Variants in LRP1B observed in about 807,000 individuals in gnomAD.
LRP1B encodes LDL receptor related protein 1B.
LRP1B carries 217 observed loss-of-function variants against 556.6 expected under a neutral mutation model. The ratio of observed to expected loss-of-function variants is 0.39; its 90% CI spans 0.35 to 0.44. LRP1B has a LOEUF of 0.44. Ranked by LOEUF, LRP1B falls within the 20% of genes least tolerant of loss-of-function variation. LRP1B has a pLI of 1.00. For synonymous variants in LRP1B, 2,047 were observed against 1,865.8 expected (o/e 1.10, Z -2.50); for missense variants, 5,053 against 5,620.8 (o/e 0.90, Z 3.23).
chr2:140,700,238 T>C lies in LRP1B; in HGVS notation c.6799+12A>G. 1 of 1,600,670 alleles carries C rather than the reference T, an allele frequency of 6.2e-7. No individual in the cohort carries two copies. Among genetic ancestry groups the C allele is most frequent in the African/African-American group, 1.3e-5 (1 of 74,524 alleles). On this transcript the variant is annotated intron_variant, in intron 41 of 90. Transcript: ENST00000389484. ...CATTTCCACCTATTTAAAATTGAAT[T>C]ACTGTACTTACTTTCAACAATTACT...
intron 18 of LRP1B, among the ~76,000 whole-genome samples, chr2:140,958,064 G>T (rs1490994265): frequency 6.6e-6 from 1 of 151,564 alleles, no homozygotes; most frequent in Non-Finnish European, 1.5e-5. Context: ...GTGACAGGGT[G>T]CTCAGGAAAG....
chr2:141,738,837 T>G (rs1216570786), intron 2 of LRP1B, among the ~76,000 whole-genome samples: 1 of 152,140 alleles, frequency 6.6e-6, no homozygotes, highest in Non-Finnish European at 1.5e-5. Flanking sequence ...AAATTGCATG[T>G]GATTAGGAAA....
intron 7 of LRP1B, among the ~76,000 whole-genome samples, chr2:141,144,369 CTT>C (rs1474277466): frequency 6.6e-6 from 1 of 152,098 alleles, no homozygotes; most frequent in Non-Finnish European, 1.5e-5. Flanking sequence ...AAATATAACT[CTT>C]AGATGTGAAA....
intron 43 of LRP1B, among the ~76,000 whole-genome samples, chr2:140,572,837 T>TAAAAC (rs1553488953): frequency 2.0e-5 from 3 of 151,252 alleles, no homozygotes; most frequent in African/African-American, 7.3e-5. Flanking sequence ...TAAAATAAAA[T>TAAAAC]AAAACACTAT....
intron 2 of LRP1B, among the ~76,000 whole-genome samples, chr2:141,733,315 CT>C (rs1229599898): frequency 6.6e-6 from 1 of 152,010 alleles, no homozygotes; most frequent in East Asian, 1.9e-4. Flanking sequence ...ATTGGTCTTC[CT>C]GTAAGTGTGT....
chr2:141,400,472 G>T (rs1690409895), intron 3 of LRP1B, among the ~76,000 whole-genome samples: 1 of 152,176 alleles, frequency 6.6e-6, no homozygotes, highest in Admixed American at 6.5e-5. Context: ...AAACTGCTGT[G>T]CTGTCCAAGG....
intron 3 of LRP1B, among the ~76,000 whole-genome samples, chr2:141,465,352 A>T (rs75486904): frequency 0.019 from 2,907 of 152,204 alleles, 56 homozygotes; most frequent in East Asian, 0.091. Flanking sequence ...AAAAATGGAA[A>T]AAAAAATAAG....
intron 21 of LRP1B, among the ~76,000 whole-genome samples, chr2:140,909,773 A>T (rs188927172): frequency 2.0e-5 from 3 of 151,176 alleles, no homozygotes; most frequent in African/African-American, 7.2e-5. Context: ...AATTCAAAAA[A>T]TAGGTAGCTA....
intron 41 of LRP1B, among the ~76,000 whole-genome samples, chr2:140,696,203 T>C (rs1686424115): frequency 6.6e-6 from 1 of 152,198 alleles, no homozygotes; most frequent in Non-Finnish European, 1.5e-5. Flanking sequence ...CTTATATTTA[T>C]TTATATGTGC....
chr2:141,992,369 A>T (rs1003222437), intron 1 of LRP1B, among the ~76,000 whole-genome samples: 1 of 152,144 alleles, frequency 6.6e-6, no homozygotes, highest in East Asian at 1.9e-4. Flanking sequence ...TTATATAAGC[A>T]TCAATTCTGT....
In LRP1B at chr2:141,060,879, T is replaced by C. The variant is rs1398160680; in HGVS notation, c.1236+1172A>G. On this transcript the variant is annotated intron_variant, in intron 8 of 90. Transcript: ENST00000389484. ...TATGTTGGATTATTTAGTGGCAGACTTAGCATATGTTTAAGGAACAAGCAA... is the reference window on the plus strand; with the variant it reads ...TATGTTGGATTATTTAGTGGCAGACCTAGCATATGTTTAAGGAACAAGCAA... Among the ~76,000 whole-genome samples the C allele has an allele frequency of 2.6e-5, 4 of 151,620 alleles. No homozygotes were observed. In the South Asian group the frequency reaches 6.2e-4, roughly 24 times the overall value.
At chr2:141,996,062 G>T (rs1395076031) in intron 1 of LRP1B, among the ~76,000 whole-genome samples, 2 of 152,046 alleles carry the variant, frequency 1.3e-5, no homozygotes, top group South Asian at 2.1e-4. Context: ...GACCATCCTG[G>T]CCAACATGAT....
chr2:141,967,876 G>T (rs1331106399), intron 1 of LRP1B, among the ~76,000 whole-genome samples: 1 of 151,726 alleles, frequency 6.6e-6, no homozygotes, highest in East Asian at 1.9e-4. Flanking sequence ...CAAGAATTAA[G>T]AAATAAATTG....
intron 7 of LRP1B, among the ~76,000 whole-genome samples, chr2:141,074,063 C>A (rs1219517690): frequency 6.6e-6 from 1 of 152,092 alleles, no homozygotes; most frequent in Non-Finnish European, 1.5e-5. Flanking sequence ...ACATTACCAA[C>A]AATGGCGAAC....
At chr2:141,779,958 C>T (rs1408705422) in intron 2 of LRP1B, among the ~76,000 whole-genome samples, 1 of 150,984 alleles carries the variant, frequency 6.6e-6, no homozygotes, top group Non-Finnish European at 1.5e-5. Flanking sequence ...TTATGTCCCT[C>T]CTGGTATTTC....
chr2:140,513,675 G>A (rs919156353), intron 51 of LRP1B, among the ~76,000 whole-genome samples: 14 of 150,314 alleles, frequency 9.3e-5, no homozygotes, highest in African/African-American at 3.4e-4. Flanking sequence ...CTTCAGTTGA[G>A]CTTGAATACT....
chr2:141,934,691 C>T (rs1700587509), intron 1 of LRP1B, among the ~76,000 whole-genome samples: 1 of 152,054 alleles, frequency 6.6e-6, no homozygotes, highest in Admixed American at 6.6e-5. Context: ...TGAGCAAGTT[C>T]TGACGAGATC....
chr2:141,429,614 T>G (rs907942524), intron 3 of LRP1B, among the ~76,000 whole-genome samples: 1 of 152,174 alleles, frequency 6.6e-6, no homozygotes, highest in Non-Finnish European at 1.5e-5. Flanking sequence ...ATCCATGAAC[T>G]ATTCTTCCTG....
At chr2:141,892,062 ACTAT>A (rs1426668261) in intron 1 of LRP1B, among the ~76,000 whole-genome samples, 1 of 152,096 alleles carries the variant, frequency 6.6e-6, no homozygotes, top group East Asian at 1.9e-4. Context: ...GTTAAGCATA[ACTAT>A]CTAAGAAAGA....
Sources: allele counts gnomAD v4.1 joint callset (sites outside exome capture counted in the v4.1 genomes callset), GRCh38; gene constraint gnomAD v4.1.1; transcripts MANE v1.5; gene names NCBI Gene and HGNC (gene_info 2026-07-23, HGNC 2026-07-21).